Variants in LMO7 observed in about 807,000 individuals in gnomAD.
The protein encoded by LMO7 is LIM domain only protein 7.
A neutral mutation model predicts 206.5 loss-of-function variants in LMO7; 120 were observed. That is an observed-to-expected ratio of 0.58 (90% CI 0.50 to 0.68). The LOEUF (loss-of-function observed/expected upper bound fraction) is 0.68. Among genes scored for constraint, LMO7 ranks in the 30% least tolerant of loss-of-function variants. The probability of loss-of-function intolerance (pLI) is 0.00; values close to 1 mark genes in which losing one functional copy is unlikely to be tolerated. For missense variants in LMO7, 1,959 were observed against 1,957.9 expected (o/e 1.00, Z -0.01); for synonymous variants, 706 against 681.5 (o/e 1.04, Z -0.56).
intron 1 of LMO7, among the ~76,000 whole-genome samples, chr13:75,658,060 CTT>C (rs989741786): frequency 6.9e-6 from 1 of 143,900 alleles, no homozygotes. Flanking sequence ...ACCGTTTTGG[CTT>C]TTTTTTTTTC....
chr13:75,729,069 C>T (rs2044814127), intron 3 of LMO7, among the ~76,000 whole-genome samples: 1 of 151,984 alleles, frequency 6.6e-6, no homozygotes, highest in Admixed American at 6.6e-5. Context: ...GTGATGCCTC[C>T]AGCTTTGTTC....
chr13:75,821,711 A>C, intron 14 of LMO7, 102 bp downstream of exon 14: 1 of 694,540 alleles, frequency 1.4e-6, no homozygotes, highest in Non-Finnish European at 2.4e-6. Context: ...TAAACTGTAC[A>C]TAACATATAT....
intron 20 of LMO7, chr13:75,838,434 T>A: frequency 6.1e-5 from 19 of 312,610 alleles, no homozygotes; most frequent in Non-Finnish European, 9.1e-5. Context: ...AACATTTTAC[T>A]TTTTTTTTTT....
At chr13:75,704,737 T>G (rs184080321) in intron 1 of LMO7, among the ~76,000 whole-genome samples, 1 of 152,178 alleles carries the variant, frequency 6.6e-6, no homozygotes, top group Non-Finnish European at 1.5e-5. Flanking sequence ...ATTTAAGTCA[T>G]GTGGATTATG....
chr13:75,694,026 CTATT>C (rs760150100), intron 1 of LMO7, among the ~76,000 whole-genome samples: 35 of 151,690 alleles, frequency 2.3e-4, no homozygotes, highest in Non-Finnish European at 4.4e-4. Flanking sequence ...AAAAAAAAAA[CTATT>C]TACGAATACT....
intron 1 of LMO7, among the ~76,000 whole-genome samples, chr13:75,622,917 C>T (rs2033505841): frequency 6.6e-6 from 1 of 152,040 alleles, no homozygotes; most frequent in Non-Finnish European, 1.5e-5. Context: ...TTTGCAGGCA[C>T]AAAATGTTAC....
chr13:75,782,477 A>G (rs553128324), intron 4 of LMO7, among the ~76,000 whole-genome samples: 2 of 152,360 alleles, frequency 1.3e-5, no homozygotes, highest in African/African-American at 2.4e-5. Context: ...TGCATTGGTG[A>G]TAAAATTAAG....
intron 1 of LMO7, among the ~76,000 whole-genome samples, chr13:75,646,393 T>A (rs531538056): frequency 7.9e-4 from 120 of 152,282 alleles, no homozygotes; most frequent in African/African-American, 2.8e-3. Flanking sequence ...CATCCGACTC[T>A]GCGCCCTCCT....
intron 26 of LMO7, among the ~76,000 whole-genome samples, chr13:75,848,311 C>T (rs1426963208): frequency 6.6e-6 from 1 of 152,136 alleles, no homozygotes; most frequent in Non-Finnish European, 1.5e-5. Flanking sequence ...TGAGAACATA[C>T]GATGTTTGGT....
chr13:75,776,533 C>A (rs1344685687), intron 4 of LMO7, among the ~76,000 whole-genome samples: 1 of 151,934 alleles, frequency 6.6e-6, no homozygotes, highest in Non-Finnish European at 1.5e-5. Flanking sequence ...TGATAACATA[C>A]CCATTTTTTG....
chr13:75,858,291 G>A lies in LMO7; in HGVS notation c.*348G>A. ...GGTGTTTTGAAGAGGGTATTTTATT[G>A]TTTTTTAAAAAAAGGTTCTTAAACA... On this transcript the variant is annotated 3_prime_UTR_variant, in exon 31 of 31. Transcript: ENST00000377534. The A allele has an allele frequency of 4.5e-6, 1 of 220,648 alleles. No individual in the cohort carries two copies. The highest frequency in any genetic ancestry group is 8.9e-5 in the East Asian group (1 of 11,218). 13.7% of individuals were successfully genotyped at this position (220,648 alleles called of 1,614,324 possible). A position where few individuals can be genotyped will look rare whatever the true frequency, so the allele number is the denominator to read the frequency against.
intron 27 of LMO7, among the ~76,000 whole-genome samples, chr13:75,852,274 G>T (rs1038285009): frequency 6.6e-6 from 1 of 152,144 alleles, no homozygotes; most frequent in Non-Finnish European, 1.5e-5. Flanking sequence ...ACTTGTAAGC[G>T]GGAGCTAAAC....
chr13:75,693,562 C>T (rs2041661412), intron 1 of LMO7, among the ~76,000 whole-genome samples: 1 of 152,230 alleles, frequency 6.6e-6, no homozygotes, highest in Non-Finnish European at 1.5e-5. Flanking sequence ...CTTCTGACTC[C>T]ATGCTCTGTT....
intron 1 of LMO7, among the ~76,000 whole-genome samples, chr13:75,681,718 GTATATATATATATATATATATATA>G (rs71127572): frequency 9.6e-6 from 1 of 104,580 alleles, no homozygotes; most frequent in Non-Finnish European, 1.9e-5. Context: ...ATATATATAT[GTATATATATATATATATATATATA>G]TATATATGGA....
At chr13:75,684,934 T>G (rs9530460) in intron 1 of LMO7, among the ~76,000 whole-genome samples, 4 of 152,026 alleles carry the variant, frequency 2.6e-5, no homozygotes, top group Non-Finnish European at 5.9e-5. Flanking sequence ...TTTACACTTA[T>G]GCCAGCTGTT....
chr13:75,736,476 G>C (rs1207138414), intron 3 of LMO7, among the ~76,000 whole-genome samples: 1 of 152,230 alleles, frequency 6.6e-6, no homozygotes, highest in Non-Finnish European at 1.5e-5. Flanking sequence ...CAGATGGTCT[G>C]ACATGCAGAT....
intron 26 of LMO7, among the ~76,000 whole-genome samples, chr13:75,846,747 A>G (rs1340012409): frequency 1.3e-5 from 2 of 152,222 alleles, no homozygotes; most frequent in Non-Finnish European, 2.9e-5. Flanking sequence ...AGTGGAAGTT[A>G]TTAAATATTT....
At chr13:75,732,560 T>TCCTG (rs2045354027) in intron 3 of LMO7, among the ~76,000 whole-genome samples, 1 of 152,196 alleles carries the variant, frequency 6.6e-6, no homozygotes, top group Admixed American at 6.5e-5. Context: ...CTTCTTTGCC[T>TCCTG]TTGGTTTGAC....
At chr13:75,682,440 G>T (rs1372574502) in intron 1 of LMO7, among the ~76,000 whole-genome samples, 1 of 152,078 alleles carries the variant, frequency 6.6e-6, no homozygotes, top group Non-Finnish European at 1.5e-5. Context: ...TGTGGTTAAG[G>T]GGTGGAGCCT....
Sources: allele counts gnomAD v4.1 joint callset (sites outside exome capture counted in the v4.1 genomes callset), GRCh38; gene constraint gnomAD v4.1.1; transcripts MANE v1.5; gene names NCBI Gene and HGNC (gene_info 2026-07-23, HGNC 2026-07-21).